TCEA2: variants seen among roughly 807,000 people sequenced by gnomAD.
TCEA2 encodes the protein transcription elongation factor A2, also known as transcription elongation factor A protein 2.
TCEA2 carries 21 observed loss-of-function variants against 40.8 expected under a neutral mutation model. The ratio of observed to expected loss-of-function variants is 0.51; its 90% CI spans 0.36 to 0.74. The LOEUF (loss-of-function observed/expected upper bound fraction) is 0.74, where lower values mean the gene tolerates loss of function less well. TCEA2 is among the 30% of genes least tolerant of loss of function. TCEA2 has a pLI of 0.00. For missense variants in TCEA2, 326 were observed against 426.5 expected (o/e 0.76, Z 2.08); for synonymous variants, 165 against 162.7 (o/e 1.01, Z -0.11).
intron 5 of TCEA2, 26 bp downstream of exon 5, chr20:64,069,517 G>A (rs1347916619): frequency 1.9e-6 from 3 of 1,607,902 alleles, no homozygotes; most frequent in Non-Finnish European, 2.5e-6. Context: ...CCTGGCTCCT[G>A]ACACCCGCTG....
intron 1 of TCEA2, among the ~76,000 whole-genome samples, chr20:64,065,234 G>T (rs1358724047): frequency 6.6e-6 from 1 of 152,164 alleles, no homozygotes; most frequent in African/African-American, 2.4e-5. Flanking sequence ...ATCACCTCAA[G>T]GCTGGACTCT....
At chr20:64,065,528 C>CGGGA (rs11469914) in intron 1 of TCEA2, 31 of 132,724 alleles carry the variant, frequency 2.3e-4, no homozygotes, top group East Asian at 1.1e-3. Context: ...AAATAAAGCC[C>CGGGA]GGGAGGGAGG....
upstream of TCEA2, among the ~76,000 whole-genome samples, chr20:64,055,962 C>T (rs1487072286): frequency 8.5e-5 from 13 of 152,186 alleles, no homozygotes; most frequent in East Asian, 3.9e-4. This position sits in a 1 kb window ranked among gnomAD's most constrained non-coding sequence, Gnocchi z 4.0. Context: ...CCCGACCCCA[C>T]GGCTGCCTGG....
At chr20:64,056,202 G>A (rs557580154), upstream of TCEA2, among the ~76,000 whole-genome samples, 1 of 152,112 alleles carries the variant, frequency 6.6e-6, no homozygotes, top group Non-Finnish European at 1.5e-5. Flanking sequence ...TCCGAGAGAC[G>A]CTGCCCTGGG....
At position 64,069,293 on chromosome 20, in the gene TCEA2, A is replaced by G. The variant is rs112510364; in HGVS notation, c.330-68A>G. On this transcript the variant is annotated intron_variant, in intron 4 of 9. Coordinates refer to ENST00000343484, the MANE Select transcript of TCEA2 (RefSeq NM_003195.6). ...TTATGCTGTGGCACCTGCTGCTTCTAGGACCAGTGTCTCGCTGGGGTGCCT... is the reference window on the plus strand; with the variant it reads ...TTATGCTGTGGCACCTGCTGCTTCTGGGACCAGTGTCTCGCTGGGGTGCCT... 0.01 allele frequency: 15,544 copies of G among 1,502,172 alleles called. 715 individuals are homozygous for G. In the African/African-American group the frequency reaches 0.12, roughly 11 times the overall value. 93.1% of individuals were successfully genotyped at this position (1,502,172 alleles called of 1,614,324 possible).
At chr20:64,063,182 C>T (rs1036948763), upstream of TCEA2, 6 of 789,414 alleles carry the variant, frequency 7.6e-6, no homozygotes, top group African/African-American at 3.7e-5. Context: ...GGGTTTGAAC[C>T]GGGGGTCTGT....
intron 4 of TCEA2, 23 bp from the exon 5 acceptor site, chr20:64,069,338 C>G: frequency 2.6e-6 from 4 of 1,555,852 alleles, no homozygotes; most frequent in Non-Finnish European, 3.5e-6. Context: ...AGTCTGAACC[C>G]AGCTGGCCCT....
At position 64,071,989 on chromosome 20, in the gene TCEA2, G is replaced by C. The variant is rs368652070; in HGVS notation, c.891+48G>C. 11 of 1,611,866 alleles carry C rather than the reference G, an allele frequency of 6.8e-6. No homozygotes were observed. The African/African-American group carries it at 1.2e-4, about 18-fold the overall frequency. ...CCCCTCCCAGCTCCATTCTCTGGAG[G>C]TGGGGTGTCTCAGCCTCTGTGGGGT... is the stretch of plus-strand genomic sequence containing the variant. On this transcript the variant is annotated intron_variant, in intron 9 of 9. Coordinates refer to ENST00000343484, the MANE Select transcript of TCEA2 (RefSeq NM_003195.6).
chr20:64,069,500 G>C lies in TCEA2; in HGVS notation c.460+9G>C. ...TGCCCTGCAGACGGACCGTGAGTGC[G>C]GCCGGCCCTGGCTCCTGACACCCGC... is the stretch of plus-strand genomic sequence containing the variant. On this transcript the variant is annotated intron_variant, in intron 5 of 9. Coordinates refer to ENST00000343484, the MANE Select transcript of TCEA2 (RefSeq NM_003195.6). 6.2e-7 allele frequency: 1 copy of C among 1,610,834 alleles called. No homozygotes were observed. Among genetic ancestry groups the C allele is most frequent in the Non-Finnish European group, 8.5e-7 (1 of 1,179,010 alleles).
At chr20:64,067,935 G>C in intron 3 of TCEA2, 112 bp from the exon 4 acceptor site, 1 of 769,752 alleles carries the variant, frequency 1.3e-6, no homozygotes, top group Non-Finnish European at 2.0e-6. Flanking sequence ...GGGGGCGGGG[G>C]CTGGGGCTGG....
At chr20:64,066,585 C>T (rs2059699904) in intron 2 of TCEA2, 47 bp downstream of exon 2, 3 of 1,596,738 alleles carry the variant, frequency 1.9e-6, no homozygotes, top group East Asian at 2.2e-5. Flanking sequence ...TGGGTGCAGC[C>T]CAGGGGATGG....
chr20:64,063,530 A>AC lies in TCEA2; in HGVS notation c.72+151dup, dbSNP rs2059617120. ...AGAGACTAACCGGGACGCAGGGGAG[A>AC]CCCCCACCCGTGGCCGAGACCCCTG... On this transcript the variant is annotated intron_variant, in intron 1 of 9. Coordinates refer to ENST00000343484, the MANE Select transcript of TCEA2 (RefSeq NM_003195.6). The AC allele has an allele frequency of 8.4e-6, 8 of 954,594 alleles. 1 individual carries two copies. In the South Asian group the frequency reaches 9.7e-5, roughly 12 times the overall value. 59.1% of individuals were successfully genotyped at this position (954,594 alleles called of 1,614,324 possible).
Sources: gnomAD v4.1 joint callset for allele counts (sites outside exome capture counted in the v4.1 genomes callset) on GRCh38, gnomAD v4.1.1 for gene constraint, Gnocchi (gnomAD v3.1) non-coding constraint, MANE v1.5 for transcripts, NCBI Gene and HGNC (gene_info 2026-07-23, HGNC 2026-07-21) for gene names.